Variants in BMP5 observed in about 807,000 individuals in gnomAD.
BMP5 encodes bone morphogenetic protein 5.
Under a neutral mutation model 46.6 loss-of-function variants are expected in BMP5, and 23 were observed. The observed-to-expected ratio is 0.49, with a 90% CI of 0.35 to 0.70. The LOEUF is 0.70. Ranked by LOEUF, BMP5 falls within the 30% of genes least tolerant of loss-of-function variation. BMP5 has a pLI of 0.00. For missense variants in BMP5, 545 were observed against 565.6 expected (o/e 0.96, Z 0.37); for synonymous variants, 204 against 191.9 (o/e 1.06, Z -0.52).
intron 3 of BMP5, among the ~76,000 whole-genome samples, chr6:55,780,502 CG>C (rs1775291018): frequency 8.4e-6 from 1 of 119,286 alleles, no homozygotes; most frequent in African/African-American, 3.0e-5. Flanking sequence ...AAGAAAGAAA[CG>C]TGGTTACAAC....
intron 1 of BMP5, among the ~76,000 whole-genome samples, chr6:55,835,157 T>C (rs1479081678): frequency 2.0e-5 from 3 of 152,152 alleles, no homozygotes; most frequent in African/African-American, 7.2e-5. Flanking sequence ...TCTTATTTGG[T>C]CTTTTGACAC....
rs111288104 is a variant in BMP5 at position 55,842,639 on chromosome 6, CA to C, written c.491-22793del. Among the ~76,000 whole-genome samples, 39 of 147,824 alleles carry C rather than the reference CA, an allele frequency of 2.6e-4. 1 individual carries two copies. Among genetic ancestry groups the C allele is most frequent in the East Asian group, 5.9e-4 (3 of 5,074 alleles). ...ACCTTCTTGCATTACGCCGGCCCCTCAAAAAAAAAATGCCCCGACACAAAAA... is the reference window on the plus strand; with the variant it reads ...ACCTTCTTGCATTACGCCGGCCCCTCAAAAAAAAATGCCCCGACACAAAAA... On this transcript the variant is annotated intron_variant, in intron 1 of 6. Coordinates refer to ENST00000370830, the MANE Select transcript of BMP5 (RefSeq NM_021073.4).
intron 3 of BMP5, among the ~76,000 whole-genome samples, chr6:55,790,450 T>C (rs1775550665): frequency 6.6e-6 from 1 of 152,204 alleles, no homozygotes; most frequent in South Asian, 2.1e-4. Flanking sequence ...TGTGATTGAT[T>C]AAAGTAGTAA....
chr6:55,849,296 T>C (rs1296699578), intron 1 of BMP5, among the ~76,000 whole-genome samples: 1 of 151,940 alleles, frequency 6.6e-6, no homozygotes, highest in Admixed American at 6.6e-5. Context: ...TAATATCAGG[T>C]GCTGATAAAG....
chr6:55,793,799 TG>T (rs1291175233), intron 3 of BMP5, among the ~76,000 whole-genome samples: 2 of 152,204 alleles, frequency 1.3e-5, no homozygotes, highest in Admixed American at 6.5e-5. Flanking sequence ...TTTGTATTAT[TG>T]GTAGCTCCTT....
chr6:55,820,233 G>A (rs1057442164), intron 1 of BMP5, among the ~76,000 whole-genome samples: 29 of 152,142 alleles, frequency 1.9e-4, no homozygotes, highest in African/African-American at 6.5e-4. Context: ...TGACTGGAGA[G>A]ACAGCACAGC....
At chr6:55,868,985 T>C (rs1197190903) in intron 1 of BMP5, among the ~76,000 whole-genome samples, 5 of 152,210 alleles carry the variant, frequency 3.3e-5, no homozygotes, top group African/African-American at 1.2e-4. Context: ...CACTCATAAA[T>C]ATTACTTAGA....
chr6:55,817,075 G>A (rs1009042011), intron 2 of BMP5, among the ~76,000 whole-genome samples: 1 of 152,112 alleles, frequency 6.6e-6, no homozygotes. Context: ...AGTTAGAATG[G>A]CAATCATTAA....
At chr6:55,810,357 A>G (rs1163937304) in intron 2 of BMP5, among the ~76,000 whole-genome samples, 1 of 152,204 alleles carries the variant, frequency 6.6e-6, no homozygotes, top group East Asian at 1.9e-4. Context: ...AAAAAGTTGG[A>G]ATCTCACTAA....
In BMP5 at chr6:55,768,996, T is replaced by C. The variant is rs907993491; in HGVS notation, c.1027+5053A>G. 5.9e-5 allele frequency among the ~76,000 whole-genome samples: 9 copies of C among 151,992 alleles called. No homozygotes were observed. The East Asian group carries it at 1.5e-3, about 26-fold the overall frequency. On this transcript the variant is annotated intron_variant, in intron 4 of 6. Coordinates refer to ENST00000370830, the MANE Select transcript of BMP5 (RefSeq NM_021073.4). ...ACATACCTTAGTTAAAAATAATCTA[T>C]TGATTAAAAAATGCTAGTGATCATC...
intron 2 of BMP5, among the ~76,000 whole-genome samples, chr6:55,813,890 G>A (rs1256003887): frequency 1.3e-5 from 2 of 151,790 alleles, no homozygotes; most frequent in African/African-American, 4.8e-5. Flanking sequence ...TGAATTGTAA[G>A]CAATAATACA....
intron 2 of BMP5, among the ~76,000 whole-genome samples, chr6:55,818,588 G>A (rs959540947): frequency 1.3e-5 from 2 of 152,082 alleles, no homozygotes; most frequent in African/African-American, 4.8e-5. Context: ...TATGCATTGT[G>A]AATCTCCGAG....
At chr6:55,862,504 A>G (rs556487492) in intron 1 of BMP5, among the ~76,000 whole-genome samples, 71 of 152,314 alleles carry the variant, frequency 4.7e-4, no homozygotes, top group African/African-American at 1.5e-3. Flanking sequence ...TCTTGTTAGC[A>G]GTAAAATATG....
intron 3 of BMP5, among the ~76,000 whole-genome samples, chr6:55,783,036 T>A (rs73744906): frequency 6.6e-6 from 1 of 152,092 alleles, no homozygotes; most frequent in East Asian, 1.9e-4. Flanking sequence ...GGAGGAAAAA[T>A]AGCCTGTCAG....
chr6:55,806,936 T>C (rs2181631), intron 2 of BMP5, among the ~76,000 whole-genome samples: 44,540 of 151,912 alleles, frequency 0.29, 9,776 homozygotes, highest in African/African-American at 0.62. Flanking sequence ...TGAGACTTTT[T>C]GGAAGTTGCT....
At chr6:55,768,093 A>G (rs1774959128) in intron 4 of BMP5, among the ~76,000 whole-genome samples, 1 of 151,944 alleles carries the variant, frequency 6.6e-6, no homozygotes, top group Non-Finnish European at 1.5e-5. Flanking sequence ...TAAACACTAA[A>G]ACAGTGTATT....
intron 1 of BMP5, among the ~76,000 whole-genome samples, chr6:55,853,545 T>C (rs1045938253): frequency 7.9e-5 from 12 of 152,232 alleles, no homozygotes; most frequent in Non-Finnish European, 1.5e-4. Flanking sequence ...TTAGTCATTC[T>C]GCTTTTTATT....
At chr6:55,823,247 T>C (rs1266773361) in intron 1 of BMP5, among the ~76,000 whole-genome samples, 1 of 152,100 alleles carries the variant, frequency 6.6e-6, no homozygotes, top group Non-Finnish European at 1.5e-5. Context: ...TTAAACAATG[T>C]CTTTCAGCAG....
At position 55,816,235 on chromosome 6, in the gene BMP5, C is replaced by A. The variant is rs369084257; in HGVS notation, c.683+3420G>T. On this transcript the variant is annotated intron_variant, in intron 2 of 6. Transcript: ENST00000370830. ...TTCCAATTTTGAGTAATAATGATGTCAAAGCATTGAATCATACCGAGGAAA... is the reference window on the plus strand; with the variant it reads ...TTCCAATTTTGAGTAATAATGATGTAAAAGCATTGAATCATACCGAGGAAA... 8.9e-4 allele frequency among the ~76,000 whole-genome samples: 136 copies of A among 152,084 alleles called. 2 individuals are homozygous for A. In the South Asian group the frequency reaches 0.027, roughly 30 times the overall value.
Sources: gnomAD v4.1 joint callset for allele counts (sites outside exome capture counted in the v4.1 genomes callset) on GRCh38, gnomAD v4.1.1 for gene constraint, MANE v1.5 for transcripts, NCBI Gene and HGNC (gene_info 2026-07-23, HGNC 2026-07-21) for gene names.